CAMTA1: variants seen among roughly 807,000 people sequenced by gnomAD.
The protein encoded by CAMTA1 is calmodulin-binding transcription activator 1.
A neutral mutation model predicts 170.9 loss-of-function variants in CAMTA1; 27 were observed. That is an observed-to-expected ratio of 0.16 (90% CI 0.12 to 0.22). The LOEUF is 0.22. Ranked by LOEUF, CAMTA1 falls within the 10% of genes least tolerant of loss-of-function variation. The pLI is 1.00. For synonymous variants in CAMTA1, 833 were observed against 891.5 expected (o/e 0.93, Z 1.17); for missense variants, 1,619 against 2,217.2 (o/e 0.73, Z 5.42).
intron 6 of CAMTA1, among the ~76,000 whole-genome samples, chr1:7,508,085 G>A (rs537711806): frequency 2.0e-5 from 3 of 152,360 alleles, no homozygotes; most frequent in South Asian, 2.1e-4. Flanking sequence ...TCATCAAATC[G>A]GTTCCGTACC....
intron 5 of CAMTA1, among the ~76,000 whole-genome samples, chr1:7,298,960 CT>C (rs1289967183): frequency 6.6e-6 from 1 of 152,160 alleles, no homozygotes; most frequent in Non-Finnish European, 1.5e-5. Context: ...CAACTGTTTC[CT>C]TTTGTAGCAA....
At chr1:6,992,512 C>T (rs892169215) in intron 3 of CAMTA1, among the ~76,000 whole-genome samples, 5 of 152,164 alleles carry the variant, frequency 3.3e-5, no homozygotes, top group African/African-American at 7.2e-5. Flanking sequence ...GTCTGTTGCT[C>T]ATCCATTTTC....
rs1280987037 is a variant in CAMTA1 at position 7,455,774 on chromosome 1, A to G, written c.439-12056A>G. On this transcript the variant is annotated intron_variant, in intron 5 of 22. Coordinates refer to ENST00000303635, the MANE Select transcript of CAMTA1 (RefSeq NM_015215.4). This position sits in a 1 kb window ranked among gnomAD's most constrained non-coding sequence, Gnocchi z 5.0. Reference sequence around the variant, plus strand: ...GCCAGCCCCGCAGACGCCTGCCCACAGGAGAAGAGAGCCACTGATTTCTGG... The same window carrying G: ...GCCAGCCCCGCAGACGCCTGCCCACGGGAGAAGAGAGCCACTGATTTCTGG... 2.0e-5 allele frequency among the ~76,000 whole-genome samples: 3 copies of G among 152,244 alleles called. No homozygotes were observed. The highest frequency in any genetic ancestry group is 4.8e-5 in the African/African-American group (2 of 41,476).
chr1:7,708,547 A>G (rs2096544738), intron 11 of CAMTA1, among the ~76,000 whole-genome samples: 1 of 152,218 alleles, frequency 6.6e-6, no homozygotes, highest in African/African-American at 2.4e-5. Flanking sequence ...GATCTTGTGT[A>G]ATGCTTTATT....
chr1:7,425,766 G>A (rs1189363330), intron 5 of CAMTA1, among the ~76,000 whole-genome samples: 1 of 151,826 alleles, frequency 6.6e-6, no homozygotes, highest in Non-Finnish European at 1.5e-5. Context: ...AGCAAACAGG[G>A]AGCACCCCTT....
chr1:7,502,618 G>T (rs1027370499), intron 6 of CAMTA1, among the ~76,000 whole-genome samples: 1 of 152,182 alleles, frequency 6.6e-6, no homozygotes, highest in Non-Finnish European at 1.5e-5. Context: ...GCTTCACCAG[G>T]TCGAGGAGTG....
chr1:7,358,537 C>T (rs905244784), intron 5 of CAMTA1, among the ~76,000 whole-genome samples: 3 of 145,360 alleles, frequency 2.1e-5, no homozygotes, highest in African/African-American at 7.6e-5. Flanking sequence ...AGCGTCCCTG[C>T]ATGCCCCGCG....
chr1:6,926,771 C>G (rs554383247), intron 3 of CAMTA1, among the ~76,000 whole-genome samples: 6 of 150,840 alleles, frequency 4.0e-5, no homozygotes, highest in Non-Finnish European at 8.9e-5. Context: ...GGCTCTGTCA[C>G]CCAGGCTGGA....
chr1:6,826,436 A>C (rs1647115581), intron 3 of CAMTA1, among the ~76,000 whole-genome samples: 2 of 152,232 alleles, frequency 1.3e-5, no homozygotes, highest in South Asian at 4.1e-4. Context: ...TTTAGACGTG[A>C]AAATGAAGTA....
chr1:6,959,502 G>A (rs1219645653), intron 3 of CAMTA1, among the ~76,000 whole-genome samples: 3 of 67,344 alleles, frequency 4.5e-5, no homozygotes, highest in Non-Finnish European at 6.4e-5. Context: ...ACCGGGTCCC[G>A]GGCAGGGGAT....
At chr1:7,037,238 C>T (rs1372246635) in intron 3 of CAMTA1, among the ~76,000 whole-genome samples, 3 of 152,154 alleles carry the variant, frequency 2.0e-5, no homozygotes, top group African/African-American at 7.2e-5. Flanking sequence ...ATGAATGCTT[C>T]TGGGAGGATG....
chr1:6,822,059 G>T (rs1035510165), intron 2 of CAMTA1, among the ~76,000 whole-genome samples: 1 of 152,068 alleles, frequency 6.6e-6, no homozygotes, highest in South Asian at 2.1e-4. Flanking sequence ...CATATATTTT[G>T]TTAGATAATG....
intron 3 of CAMTA1, among the ~76,000 whole-genome samples, chr1:6,869,714 T>G (rs911176456): frequency 2.6e-5 from 4 of 152,184 alleles, no homozygotes; most frequent in Admixed American, 2.6e-4. Flanking sequence ...TTGGCACCAT[T>G]TCATTTGGAG....
intron 3 of CAMTA1, among the ~76,000 whole-genome samples, chr1:7,073,268 G>A (rs962191049): frequency 1.3e-5 from 2 of 152,180 alleles, no homozygotes; most frequent in Non-Finnish European, 1.5e-5. Flanking sequence ...GAGTGTGGGT[G>A]TGATGGTAGG....
rs115936080 is a variant in CAMTA1, at chr1:7,622,921, C to T, written c.511-17479C>T. Among the ~76,000 whole-genome samples the T allele has an allele frequency of 1.6e-3, 237 of 152,336 alleles. 1 individual carries two copies. Among genetic ancestry groups the T allele is most frequent in the African/African-American group, 5.6e-3 (232 of 41,576 alleles). ...TGTTTCACGGCTGTTTTCCTGAATG[C>T]TCCCTGTGAGCCCGAGTCTGTCCTG... On this transcript the variant is annotated intron_variant, in intron 6 of 22. Transcript: ENST00000303635.
chr1:7,690,791 C>A (rs921309517), intron 11 of CAMTA1, among the ~76,000 whole-genome samples: 4 of 152,222 alleles, frequency 2.6e-5, no homozygotes, highest in African/African-American at 9.6e-5. Flanking sequence ...GTGGGTGGCG[C>A]AGAGAGTCAC....
chr1:7,696,673 C>A (rs569748008), intron 11 of CAMTA1, among the ~76,000 whole-genome samples: 148 of 152,210 alleles, frequency 9.7e-4, no homozygotes, highest in Non-Finnish European at 1.7e-3. Flanking sequence ...GGTCTTTCTG[C>A]CTCATGGAAA....
At chr1:7,137,510 C>G (rs1436794640) in intron 4 of CAMTA1, among the ~76,000 whole-genome samples, 1 of 152,120 alleles carries the variant, frequency 6.6e-6, no homozygotes, top group African/African-American at 2.4e-5. Context: ...ATGTACGATC[C>G]CCCGCTCCAG....
intron 5 of CAMTA1, among the ~76,000 whole-genome samples, chr1:7,261,903 C>G (rs1388490937): frequency 6.6e-6 from 1 of 152,200 alleles, no homozygotes; most frequent in Non-Finnish European, 1.5e-5. Context: ...TAATCTTTTC[C>G]ATAGGAGACT....
Sources: gnomAD v4.1 joint callset for allele counts (sites outside exome capture counted in the v4.1 genomes callset) on GRCh38, gnomAD v4.1.1 for gene constraint, Gnocchi (gnomAD v3.1) non-coding constraint, MANE v1.5 for transcripts, NCBI Gene and HGNC (gene_info 2026-07-23, HGNC 2026-07-21) for gene names.